The following CALCRL variants were observed in gnomAD, a reference collection of about 807,000 sequenced individuals.
CALCRL encodes calcitonin receptor like receptor, also known as calcitonin gene-related peptide type 1 receptor.
In CALCRL, 27 loss-of-function variants were observed where a neutral mutation model predicts 60.4. The ratio of observed to expected loss-of-function variants is 0.45; its 90% CI spans 0.33 to 0.62. The LOEUF (loss-of-function observed/expected upper bound fraction) is 0.62, where lower values mean the gene tolerates loss of function less well. CALCRL is among the 20% of genes least tolerant of loss of function. The pLI is 0.03. For synonymous variants in CALCRL, 190 were observed against 182.6 expected, an observed-to-expected ratio of 1.04 and a Z score of -0.33; for missense variants, 424 against 540.7, an observed-to-expected ratio of 0.78 and a Z score of 2.14.
chr2:187,421,469 C>A (rs1182858199), intron 1 of CALCRL, among the ~76,000 whole-genome samples: 2 of 152,158 alleles, frequency 1.3e-5, no homozygotes, highest in Non-Finnish European at 2.9e-5. Flanking sequence ...ATAGGACCAC[C>A]ATAGGCCATT....
Position 187,346,050 on chromosome 2 carries a change from A to G in CALCRL, c.*134T>C, listed in dbSNP as rs952698865. On this transcript the variant is annotated 3_prime_UTR_variant, in exon 15 of 15. Coordinates refer to ENST00000392370, the MANE Select transcript of CALCRL (RefSeq NM_005795.6). ...GTTACACTCTTATCAACACACTACT[A>G]ATTTCATGTGAAGGCTCTTCTTTAT... is the stretch of plus-strand genomic sequence containing the variant. The G allele has an allele frequency of 6.6e-6, 4 of 606,850 alleles. No individual in the cohort carries two copies. In the African/African-American group the frequency reaches 7.5e-5, roughly 11 times the overall value. 37.6% of individuals were successfully genotyped at this position (606,850 alleles called of 1,614,324 possible).
chr2:187,443,802 T>C (rs1691041196), intron 1 of CALCRL, among the ~76,000 whole-genome samples: 1 of 151,732 alleles, frequency 6.6e-6, no homozygotes, highest in Admixed American at 6.6e-5. Context: ...CTCTGATACT[T>C]ACCAAAGTTT....
At position 187,424,601 on chromosome 2, in the gene CALCRL, T is replaced by C. The variant is rs558106626; in HGVS notation, c.-293+23438A>G. On this transcript the variant is annotated intron_variant, in intron 1 of 14. Transcript: ENST00000392370. Reference sequence around the variant, plus strand: ...AAGTCAAAAGGCATCTGGCCATTCCTAAGTATTGTGACTGATGGAGTAATA... The same window carrying C: ...AAGTCAAAAGGCATCTGGCCATTCCCAAGTATTGTGACTGATGGAGTAATA... 2.1e-4 allele frequency among the ~76,000 whole-genome samples: 32 copies of C among 152,066 alleles called. 1 individual carries two copies. The highest frequency in any genetic ancestry group is 4.6e-4 in the Non-Finnish European group (31 of 67,924).
At chr2:187,442,537 A>G (rs1396286217) in intron 1 of CALCRL, among the ~76,000 whole-genome samples, 1 of 151,814 alleles carries the variant, frequency 6.6e-6, no homozygotes. Context: ...TATTTTTGAA[A>G]TATAATAAAT....
At position 187,380,586 on chromosome 2, in the gene CALCRL, A is replaced by C; in HGVS notation, c.296-7T>G. ...CAGATCTTTGTAACTTTTTCTTTAA[A>C]ATTAAAAAAAAAGGGAAAACAGGAA... On this transcript the variant is annotated splice_polypyrimidine_tract_variant and splice_region_variant and intron_variant, in intron 6 of 14. Coordinates refer to ENST00000392370, the MANE Select transcript of CALCRL (RefSeq NM_005795.6). 3 of 1,603,430 alleles carry C rather than the reference A, an allele frequency of 1.9e-6. No individual in the cohort carries two copies. Among genetic ancestry groups the C allele is most frequent in the African/African-American group, 1.3e-5 (1 of 74,586 alleles).
Position 187,342,370 on chromosome 2 carries a change from T to TAAA in CALCRL, c.*3811_*3813dup, listed in dbSNP as rs749776652. On this transcript the variant is annotated 3_prime_UTR_variant, in exon 15 of 15. Coordinates refer to ENST00000392370, the MANE Select transcript of CALCRL (RefSeq NM_005795.6). ...ATTAAAATATACTCTACTAATATAC[T>TAAA]AAAAACTGCTTTGAATATGAAGTAT... Among the ~76,000 whole-genome samples, 7 of 151,698 alleles carry TAAA rather than the reference T, an allele frequency of 4.6e-5. No homozygotes were observed. The highest frequency in any genetic ancestry group is 8.9e-5 in the Non-Finnish European group (6 of 67,696).
rs138680572 is a variant in CALCRL, at chr2:187,392,424, A to G, written c.-292-4668T>C. Among the ~76,000 whole-genome samples the G allele has an allele frequency of 4.8e-3, 738 of 152,232 alleles. 4 individuals carry two copies. The highest frequency in any genetic ancestry group is 0.017 in the African/African-American group (696 of 41,552). The stretch of plus-strand genomic sequence containing the variant: ...TGTGAGCAAAGTTGAGCTATGTCCT[A>G]TATATTATATTACATGCTTTCCCTT... On this transcript the variant is annotated intron_variant, in intron 1 of 14. Transcript: ENST00000392370.
chr2:187,445,205 A>G lies in CALCRL; in HGVS notation c.-293+2834T>C, dbSNP rs1691117100. Among the ~76,000 whole-genome samples the G allele has an allele frequency of 2.0e-5, 3 of 151,616 alleles. No individual in the cohort carries two copies. The South Asian group carries it at 6.2e-4, about 31-fold the overall frequency. On this transcript the variant is annotated intron_variant, in intron 1 of 14. Transcript: ENST00000392370. ...AAGATACGTTACACACTTGACTCTCATAAGAGCGTCTTTCATTAACACCCT... is the reference window on the plus strand; with the variant it reads ...AAGATACGTTACACACTTGACTCTCGTAAGAGCGTCTTTCATTAACACCCT...
intron 14 of CALCRL, among the ~76,000 whole-genome samples, chr2:187,346,876 T>G (rs180832751): frequency 4.8e-4 from 73 of 151,776 alleles, no homozygotes; most frequent in Admixed American, 1.1e-3. Context: ...AGCAGCAACC[T>G]TTGTTTCTGA....
intron 1 of CALCRL, among the ~76,000 whole-genome samples, chr2:187,429,658 A>G (rs1007915108): frequency 6.6e-6 from 1 of 152,160 alleles, no homozygotes; most frequent in African/African-American, 2.4e-5. Context: ...AATTTTTTCT[A>G]CCTCTTTCTT....
intron 4 of CALCRL, among the ~76,000 whole-genome samples, chr2:187,384,876 G>A (rs1342745429): frequency 6.6e-6 from 1 of 152,006 alleles, no homozygotes; most frequent in Non-Finnish European, 1.5e-5. Context: ...GAAAAACATG[G>A]GTGATTCATT....
chr2:187,362,575 G>C (rs1053224347), intron 9 of CALCRL, among the ~76,000 whole-genome samples: 1 of 151,188 alleles, frequency 6.6e-6, no homozygotes, highest in African/African-American at 2.4e-5. Flanking sequence ...ACTTTATATA[G>C]ACACACACAC....
intron 1 of CALCRL, among the ~76,000 whole-genome samples, chr2:187,439,952 T>A (rs1433050020): frequency 6.6e-6 from 1 of 152,142 alleles, no homozygotes; most frequent in Non-Finnish European, 1.5e-5. Flanking sequence ...TAGCATTCTT[T>A]TCATACTCAG....
chr2:187,374,213 C>T (rs1687648911), intron 8 of CALCRL, among the ~76,000 whole-genome samples: 1 of 152,002 alleles, frequency 6.6e-6, no homozygotes, highest in African/African-American at 2.4e-5. Flanking sequence ...CCTGTAATGA[C>T]ATCTAGACAT....
intron 1 of CALCRL, among the ~76,000 whole-genome samples, chr2:187,410,184 T>A (rs541971388): frequency 6.6e-6 from 1 of 152,264 alleles, no homozygotes; most frequent in Admixed American, 6.5e-5. Context: ...TAGTGGTGGA[T>A]GTGGGAGAAT....
chr2:187,441,115 TA>T (rs1290029061), intron 1 of CALCRL, among the ~76,000 whole-genome samples: 1 of 152,016 alleles, frequency 6.6e-6, no homozygotes, highest in Non-Finnish European at 1.5e-5. Flanking sequence ...GTAAGAAAGG[TA>T]AAAAATTATA....
chr2:187,416,444 C>G (rs944006948), intron 1 of CALCRL, among the ~76,000 whole-genome samples: 3 of 151,998 alleles, frequency 2.0e-5, no homozygotes, highest in Non-Finnish European at 4.4e-5. Flanking sequence ...ACAAGAGTGG[C>G]CCTGTTTCTT....
intron 1 of CALCRL, among the ~76,000 whole-genome samples, chr2:187,437,338 C>G (rs916016927): frequency 2.0e-5 from 3 of 152,130 alleles, no homozygotes; most frequent in African/African-American, 7.2e-5. Context: ...ATCAGGAAAT[C>G]AAGACCATCC....
intron 1 of CALCRL, among the ~76,000 whole-genome samples, chr2:187,393,178 A>G (rs1688519332): frequency 1.3e-5 from 2 of 152,000 alleles, no homozygotes; most frequent in Non-Finnish European, 2.9e-5. Context: ...ATCACCCCCA[A>G]AACTTGGTGA....
Sources: allele counts gnomAD v4.1 joint callset (sites outside exome capture counted in the v4.1 genomes callset), GRCh38; gene constraint gnomAD v4.1.1; transcripts MANE v1.5; gene names NCBI Gene and HGNC (gene_info 2026-07-23, HGNC 2026-07-21).